Variants in ADGRF5 observed in about 807,000 individuals in gnomAD.
ADGRF5 encodes the protein adhesion G protein-coupled receptor F5.
Under a neutral mutation model 132.3 loss-of-function variants are expected in ADGRF5, and 75 were observed. The observed-to-expected ratio is 0.57, with a 90% CI of 0.47 to 0.69. The LOEUF is 0.69. Among genes scored for constraint, ADGRF5 ranks in the 30% least tolerant of loss-of-function variants. ADGRF5 has a pLI of 0.00. For synonymous variants in ADGRF5, 629 were observed against 597.6 expected, an observed-to-expected ratio of 1.05 and a Z score of -0.77; for missense variants, 1,516 against 1,630.6, an observed-to-expected ratio of 0.93 and a Z score of 1.21.
chr6:46,877,289 T>TTCTTTCTTTC (rs1395354122), intron 10 of ADGRF5, among the ~76,000 whole-genome samples: 12 of 68,116 alleles, frequency 1.8e-4, no homozygotes, highest in African/African-American at 6.6e-4. Flanking sequence ...CTTTCTTTCT[T>TTCTTTCTTTC]TCTCTCTCTC....
chr6:46,926,597 G>T (rs115574605), upstream of ADGRF5, among the ~76,000 whole-genome samples: 2,929 of 152,196 alleles, frequency 0.019, 101 homozygotes, highest in African/African-American at 0.066. Flanking sequence ...CCTGTGAGCC[G>T]TCCACAGCCT....
intron 1 of ADGRF5, among the ~76,000 whole-genome samples, chr6:46,939,076 G>A (rs1313170626): frequency 1.3e-5 from 2 of 152,044 alleles, no homozygotes. Context: ...TCACCAGGTT[G>A]GCCAGGATGG....
Position 46,888,456 on chromosome 6 carries a change from G to T in ADGRF5, c.207C>A (p.Ile69=). 6.2e-7 allele frequency: 1 copy of T among 1,612,914 alleles called. No individual in the cohort carries two copies. Among genetic ancestry groups the T allele is most frequent in the Non-Finnish European group, 8.5e-7 (1 of 1,178,964 alleles). The change falls in exon 4 of 21, where the codon ATC becomes ATA. Residue 69 remains isoleucine, a synonymous_variant. Transcript: ENST00000283296. ...CCAGGAAGGATGCATTTTCAAAACT[G>T]ATCTCAATATTAACAGTGTATTCTT... The part of the protein sequence containing the change: ...TAEEYTVNIE[I]SFENASFLDP...
At chr6:46,918,307 A>G (rs1776599462) in intron 1 of ADGRF5, among the ~76,000 whole-genome samples, 1 of 152,204 alleles carries the variant, frequency 6.6e-6, no homozygotes, top group Non-Finnish European at 1.5e-5. Flanking sequence ...CAGGCCCGGT[A>G]GTCCTCTCTA....
upstream of ADGRF5, among the ~76,000 whole-genome samples, chr6:46,925,568 C>T (rs954900482): frequency 1.3e-5 from 2 of 152,146 alleles, no homozygotes; most frequent in Non-Finnish European, 2.9e-5. Context: ...ACCAGCTGGC[C>T]AACATGGCGA....
Position 46,859,246 on chromosome 6 carries a change from C to G in ADGRF5, c.2657G>C (p.Ser886Thr), listed in dbSNP as rs759032509. The G allele has an allele frequency of 1.2e-5, 19 of 1,614,116 alleles. No individual in the cohort carries two copies. Among genetic ancestry groups the G allele is most frequent in the Non-Finnish European group, 1.5e-5 (18 of 1,180,000 alleles). Residue 886 changes from serine (S) to threonine (T), a missense_variant, in exon 17 of 21, where the codon AGC becomes ACC. Ser to Thr is a moderately conservative substitution (Grantham distance 58, BLOSUM62 1). This residue lies in a region of ADGRF5 where 571 missense variants were observed against 701.2 expected (regional missense o/e 0.81). Coordinates refer to ENST00000283296, the MANE Select transcript of ADGRF5 (RefSeq NM_001098518.2). The stretch of plus-strand genomic sequence containing the variant: ...ATCCGACTGCAAGTTTTCTAGATAG[C>G]TCTTGTCAATGACCACATTGCCCCA... ...DLWGNVVIDK[S>T]YLENLQSDSS...
intron 1 of ADGRF5, among the ~76,000 whole-genome samples, chr6:46,941,465 A>AGAAAAGAAAAGAAAAGAAAAG (rs1561839038): frequency 9.8e-5 from 4 of 40,668 alleles, no homozygotes; most frequent in African/African-American, 2.0e-4. Context: ...AGAAAAGAAA[A>AGAAAAGAAAAGAAAAGAAAAG]GAAAGAAAAG....
chr6:46,929,086 C>T (rs1257619523), intron 1 of ADGRF5, among the ~76,000 whole-genome samples: 1 of 152,094 alleles, frequency 6.6e-6, no homozygotes, highest in African/African-American at 2.4e-5. Context: ...AGACTTGGAA[C>T]CAACCCAAAT....
At chr6:46,919,299 T>A (rs1459391990) in intron 1 of ADGRF5, among the ~76,000 whole-genome samples, 1 of 152,200 alleles carries the variant, frequency 6.6e-6, no homozygotes, top group East Asian at 1.9e-4. Flanking sequence ...TCCAAAAAAA[T>A]TCATTGTGCC....
rs1463638085 is a variant in ADGRF5 at position 46,866,977 on chromosome 6, C to T, written c.1782G>A (p.Glu594=). ...GSHHIKCCIE[E]DGDYKVTFHT... is the part of the protein sequence containing the mutation. ...GGAAAGTAACTTTGTAGTCTCCATC[C>T]TCCTCTATGCAGCACTTGATGTGAT... The change falls in exon 13 of 21, where the codon GAG becomes GAA. Residue 594 remains glutamate (E), a synonymous_variant. Coordinates refer to ENST00000283296, the MANE Select transcript of ADGRF5 (RefSeq NM_001098518.2). 2.5e-6 allele frequency: 4 copies of T among 1,613,810 alleles called. No individual in the cohort carries two copies. The highest frequency in any genetic ancestry group is 1.3e-5 in the African/African-American group (1 of 75,018).
chr6:46,912,357 G>A (rs1407710245), intron 1 of ADGRF5, among the ~76,000 whole-genome samples: 1 of 152,152 alleles, frequency 6.6e-6, no homozygotes, highest in African/African-American at 2.4e-5. Context: ...GGAAGAAGGG[G>A]AGGAAGATGG....
At chr6:46,878,939 G>A (rs1318653401) in intron 9 of ADGRF5, among the ~76,000 whole-genome samples, 1 of 152,160 alleles carries the variant, frequency 6.6e-6, no homozygotes, top group East Asian at 1.9e-4. Context: ...GTAGTTGCTT[G>A]GAGCGGGCAA....
rs776541379 is a variant in ADGRF5 at position 46,863,051 on chromosome 6, G to C, written c.2036C>G (p.Pro679Arg). The change falls in exon 15 of 21, where the codon CCG becomes CGG. Residue 679 changes from proline to arginine, a missense_variant. By Grantham distance (103) the Pro-to-Arg change is moderately radical. Coordinates refer to ENST00000283296, the MANE Select transcript of ADGRF5 (RefSeq NM_001098518.2). Reference sequence around the variant, plus strand: ...GCATAGCTTCTGGATGACTTTCCCCGGCTCTCCGACACCTATTACGGGATC... The same window carrying C: ...GCATAGCTTCTGGATGACTTTCCCCCGCTCTCCGACACCTATTACGGGATC... Reference protein sequence around the residue: ...CQDPVIGVGEPGKVIQKLCRF... With the variant: ...CQDPVIGVGERGKVIQKLCRF... The C allele has an allele frequency of 1.2e-6, 2 of 1,613,920 alleles. No individual in the cohort carries two copies. The highest frequency in any genetic ancestry group is 8.5e-7 in the Non-Finnish European group (1 of 1,179,948).
chr6:46,927,121 T>A (rs1777289896), intron 1 of ADGRF5, among the ~76,000 whole-genome samples: 1 of 152,114 alleles, frequency 6.6e-6, no homozygotes, highest in Non-Finnish European at 1.5e-5. Flanking sequence ...CAACATTTCC[T>A]TTGACTCCCA....
At chr6:46,940,080 A>G (rs534017318) in intron 1 of ADGRF5, among the ~76,000 whole-genome samples, 3 of 152,240 alleles carry the variant, frequency 2.0e-5, no homozygotes, top group Non-Finnish European at 4.4e-5. Context: ...ATTGAAAAAT[A>G]TGGTTTTCCT....
chr6:46,925,432 G>A (rs913319323), upstream of ADGRF5, among the ~76,000 whole-genome samples: 11 of 152,082 alleles, frequency 7.2e-5, no homozygotes, highest in Non-Finnish European at 1.5e-5. Flanking sequence ...AAATTTTGCT[G>A]GAGTCTCCAC....
At chr6:46,865,572 G>A (rs1158491652) in intron 13 of ADGRF5, among the ~76,000 whole-genome samples, 1 of 152,158 alleles carries the variant, frequency 6.6e-6, no homozygotes, top group Non-Finnish European at 1.5e-5. Context: ...TAGACCATAC[G>A]CTCCTGGAGA....
upstream of ADGRF5, among the ~76,000 whole-genome samples, chr6:46,922,378 C>T (rs1290770607): frequency 6.6e-6 from 1 of 152,182 alleles, no homozygotes; most frequent in Non-Finnish European, 1.5e-5. Context: ...GAGGGCTGTA[C>T]CTCAAAAATG....
upstream of ADGRF5, among the ~76,000 whole-genome samples, chr6:46,926,451 C>T (rs1296324842): frequency 2.7e-5 from 4 of 146,602 alleles, no homozygotes; most frequent in Non-Finnish European, 4.5e-5. Flanking sequence ...TCTGCCATCT[C>T]CTAGAAGAGG....
Sources: gnomAD v4.1 joint callset for allele counts (sites outside exome capture counted in the v4.1 genomes callset) on GRCh38, gnomAD v4.1.1 for gene constraint, gnomAD v4.1.1 regional missense constraint, MANE v1.5 for transcripts, NCBI Gene and HGNC (gene_info 2026-07-23, HGNC 2026-07-21) for gene names.